Variants in CNBD2 observed in about 807,000 individuals in gnomAD.
CNBD2 encodes cyclic nucleotide-binding domain-containing protein 2.
A neutral mutation model predicts 63.7 loss-of-function variants in CNBD2; 64 were observed. That is an observed-to-expected ratio of 1.00 (90% CI 0.82 to 1.24). CNBD2 has a LOEUF of 1.24. CNBD2 is among the 50% of genes most tolerant of loss of function. CNBD2 has a pLI of 0.00. For missense variants in CNBD2, 691 were observed against 713.5 expected, an observed-to-expected ratio of 0.97 and a Z score of 0.36; for synonymous variants, 229 against 255.4, an observed-to-expected ratio of 0.90 and a Z score of 0.99.
chr20:35,987,754 A>T (rs1269290906), intron 7 of CNBD2, among the ~76,000 whole-genome samples: 1 of 152,210 alleles, frequency 6.6e-6, no homozygotes, highest in Non-Finnish European at 1.5e-5. Context: ...GGACCAAGGG[A>T]TTCTCCCGCC....
At chr20:35,993,735 T>C (rs1185287374) in intron 7 of CNBD2, among the ~76,000 whole-genome samples, 1 of 152,192 alleles carries the variant, frequency 6.6e-6, no homozygotes, top group Non-Finnish European at 1.5e-5. Flanking sequence ...TTTTTATGTC[T>C]GGTTTGAATA....
intron 10 of CNBD2, among the ~76,000 whole-genome samples, chr20:36,018,493 C>T (rs2057164883): frequency 6.6e-6 from 1 of 152,160 alleles, no homozygotes; most frequent in East Asian, 1.9e-4. Context: ...CGTGAGGTGC[C>T]TGTGGTAGGA....
upstream of CNBD2, among the ~76,000 whole-genome samples, chr20:35,965,676 A>G (rs1207045055): frequency 6.6e-6 from 1 of 152,182 alleles, no homozygotes; most frequent in Non-Finnish European, 1.5e-5. Flanking sequence ...TAGTTTCTAG[A>G]ACTGACTTAA....
At chr20:36,009,403 C>T (rs183438804) in intron 9 of CNBD2, among the ~76,000 whole-genome samples, 368 of 151,844 alleles carry the variant, frequency 2.4e-3, no homozygotes, top group African/African-American at 8.4e-3. Flanking sequence ...GAGGTTTCAC[C>T]GTATTAGCCA....
intron 9 of CNBD2, among the ~76,000 whole-genome samples, chr20:36,009,183 A>C (rs2057023544): frequency 6.6e-6 from 1 of 150,582 alleles, no homozygotes; most frequent in African/African-American, 2.4e-5. Context: ...CCTGGGCAAC[A>C]GAGCAAGATC....
At chr20:35,988,915 A>C (rs1167149163) in intron 7 of CNBD2, among the ~76,000 whole-genome samples, 1 of 152,202 alleles carries the variant, frequency 6.6e-6, no homozygotes, top group East Asian at 1.9e-4. Context: ...GAGATTTATC[A>C]TGTTTGTTTA....
At chr20:36,024,974 A>G (rs763478927) in intron 11 of CNBD2, among the ~76,000 whole-genome samples, 8 of 152,204 alleles carry the variant, frequency 5.3e-5, no homozygotes, top group Non-Finnish European at 7.3e-5. Context: ...TAAGATGTTC[A>G]TAGCAGCCAT....
In CNBD2 at chr20:35,984,059, C is replaced by G; in HGVS notation, c.485C>G (p.Ala162Gly). 3 of 1,614,148 alleles carry G rather than the reference C, an allele frequency of 1.9e-6. No homozygotes were observed. Among genetic ancestry groups the G allele is most frequent in the East Asian group, 2.2e-5 (1 of 44,878 alleles). The change falls in exon 5 of 12, where the codon GCA becomes GGA. Residue 162 changes from alanine to glycine, a missense_variant. Coordinates refer to ENST00000373973, the MANE Select transcript of CNBD2 (RefSeq NM_001365709.1). ...TATTTCATCTACCTGGGCACAGTTG[C>G]AATAACCAAGGACGAGGATGGCAGC... The part of the protein sequence containing the change: ...SFYFIYLGTV[A>G]ITKDEDGSSA...
At chr20:36,003,327 T>C (rs1204709741) in intron 8 of CNBD2, among the ~76,000 whole-genome samples, 1 of 152,208 alleles carries the variant, frequency 6.6e-6, no homozygotes, top group Non-Finnish European at 1.5e-5. Flanking sequence ...CTTCATGATT[T>C]TTTAATAGGA....
In CNBD2 at chr20:35,968,800, T is replaced by C; in HGVS notation, c.38T>C (p.Leu13Pro). Residue 13 changes from leucine to proline, a missense_variant, in exon 1 of 12, where the codon CTG (leucine) becomes CCG (proline). Leu to Pro is a moderately conservative substitution (Grantham distance 98, BLOSUM62 -3). Transcript: ENST00000373973. ...RHMVTYAWQL[L>P]KKELGLYQLA... ...ATGGTAACTTATGCCTGGCAGCTCC[T>C]GAAGAAGGAACTGGTGAGGAGGGGC... 2 of 1,607,948 alleles carry C rather than the reference T, an allele frequency of 1.2e-6. No homozygotes were observed. The highest frequency in any genetic ancestry group is 1.7e-6 in the Non-Finnish European group (2 of 1,177,712).
rs544676520 is a variant in CNBD2 at position 35,981,258 on chromosome 20, A to C, written c.407+636A>C. ...TGGGTCCCCCTTTCCCCTTCCCAAA[A>C]ATGTTGGTTGAGCTTGATGGTCTCT... On this transcript the variant is annotated intron_variant, in intron 4 of 11. Transcript: ENST00000373973. Among the ~76,000 whole-genome samples, 4 of 151,938 alleles carry C rather than the reference A, an allele frequency of 2.6e-5. No homozygotes were observed. In the South Asian group the frequency reaches 8.3e-4, roughly 32 times the overall value.
At chr20:35,960,026 T>G (rs2056293958), downstream of CNBD2, among the ~76,000 whole-genome samples, 1 of 152,228 alleles carries the variant, frequency 6.6e-6, no homozygotes, top group South Asian at 2.1e-4. Context: ...AAGCATCTAT[T>G]ACTATCAAAT....
intron 11 of CNBD2, among the ~76,000 whole-genome samples, chr20:36,029,063 C>T (rs1156783815): frequency 6.6e-6 from 1 of 152,136 alleles, no homozygotes; most frequent in African/African-American, 2.4e-5. Context: ...CTGTGTGAAG[C>T]TGAGGCTACC....
chr20:36,008,871 TTTGG>T (rs1568911645), intron 9 of CNBD2, among the ~76,000 whole-genome samples: 3 of 151,932 alleles, frequency 2.0e-5, no homozygotes, highest in Non-Finnish European at 4.4e-5. Flanking sequence ...AGAGCCTGTG[TTTGG>T]AATTAAGCCT....
chr20:36,020,746 A>G (rs2057196679), intron 10 of CNBD2, among the ~76,000 whole-genome samples: 1 of 152,138 alleles, frequency 6.6e-6, no homozygotes, highest in Non-Finnish European at 1.5e-5. Flanking sequence ...GTTTCTATGC[A>G]AGTCCTGGCA....
chr20:35,999,936 C>A (rs940116133), intron 8 of CNBD2, among the ~76,000 whole-genome samples: 3 of 152,152 alleles, frequency 2.0e-5, no homozygotes, highest in African/African-American at 7.2e-5. Flanking sequence ...GCCTCAGCCT[C>A]CCAAAGTGCT....
chr20:36,001,490 G>A, intron 8 of CNBD2, among the ~76,000 whole-genome samples: 1 of 151,142 alleles, frequency 6.6e-6, no homozygotes, highest in Middle Eastern at 3.5e-3. Flanking sequence ...GGCCGGGCGG[G>A]GGGCTGACCC....
Position 36,009,580 on chromosome 20 carries a change from C to T in CNBD2, c.1148+1106C>T, listed in dbSNP as rs569963270. Among the ~76,000 whole-genome samples the T allele has an allele frequency of 3.3e-5, 5 of 151,988 alleles. No individual in the cohort carries two copies. The East Asian group carries it at 7.8e-4, about 24-fold the overall frequency. On this transcript the variant is annotated intron_variant, in intron 9 of 11. Coordinates refer to ENST00000373973, the MANE Select transcript of CNBD2 (RefSeq NM_001365709.1). ...GGCATGGTGGCTTATGCCTGTAATC[C>T]CAACACTTTGGGCGGCTGAAGCGGG...
Position 35,984,008 on chromosome 20 carries a change from A to G in CNBD2, c.434A>G (p.Lys145Arg), listed in dbSNP as rs771319424. 6.2e-7 allele frequency: 1 copy of G among 1,614,192 alleles called. No homozygotes were observed. The highest frequency in any genetic ancestry group is 8.5e-7 in the Non-Finnish European group (1 of 1,180,030). Residue 145 changes from lysine to arginine, a missense_variant, in exon 5 of 12, where the codon AAG becomes AGG. By Grantham distance (26) the Lys-to-Arg change is conservative (BLOSUM62 2). Transcript: ENST00000373973. ...TTTGGTCGCAGGCGTGTGATCATCA[A>G]GAAGGGGCAGAAGGGCAACAGCTTT... ...ERFGRRRVII[K>R]KGQKGNSFYF...
Sources: gnomAD v4.1 joint callset for allele counts (sites outside exome capture counted in the v4.1 genomes callset) on GRCh38, gnomAD v4.1.1 for gene constraint, MANE v1.5 for transcripts, NCBI Gene and HGNC (gene_info 2026-07-23, HGNC 2026-07-21) for gene names.